The following MLYCD variants were observed in gnomAD, a reference collection of about 807,000 sequenced individuals.
MLYCD encodes the protein malonyl-CoA decarboxylase.
MLYCD carries 27 observed loss-of-function variants against 35.8 expected under a neutral mutation model. The observed-to-expected ratio is 0.75, with a 90% CI of 0.56 to 1.04. MLYCD has a LOEUF of 1.04. Ranked by LOEUF, MLYCD falls within the 50% of genes least tolerant of loss-of-function variation. The pLI, the probability that MLYCD is intolerant of heterozygous loss-of-function variation, is 0.00. For synonymous variants in MLYCD, 403 were observed against 302.4 expected, an observed-to-expected ratio of 1.33 and a Z score of -3.45; for missense variants, 917 against 665.1, an observed-to-expected ratio of 1.38 and a Z score of -4.17.
chr16:83,915,407 C>G lies in MLYCD; in HGVS notation c.1400C>G (p.Ser467Cys), dbSNP rs764495439. Residue 467 changes from serine to cysteine, a missense_variant, in exon 5 of 5, where the codon TCC (serine) becomes TGC (cysteine). By Grantham distance (112) the Ser-to-Cys change is moderately radical. Transcript: ENST00000262430. ...GAGGAGACGGGCCCCAACAGCACCT[C>G]CTACCTCGGCTCCAAGATCATCAAA... is the stretch of plus-strand genomic sequence containing the variant. The part of the protein sequence containing the change: ...FLEETGPNST[S>C]YLGSKIIKAS... 1.2e-5 allele frequency: 20 copies of G among 1,613,888 alleles called. 1 individual carries two copies. Among genetic ancestry groups the G allele is most frequent in the Middle Eastern group, 1.6e-4 (1 of 6,062 alleles).
chr16:83,923,294 C>G lies in MLYCD; in HGVS notation c.*7805C>G, dbSNP rs148389070. On this transcript the variant is annotated 3_prime_UTR_variant, in exon 5 of 5. Coordinates refer to ENST00000262430, the MANE Select transcript of MLYCD (RefSeq NM_012213.3). ...CATGAGGTGTACTAAAGATTTAAAT[C>G]GAGCAAACACCTCTGTGATTTCCAA... 1 of 152,234 alleles carries G rather than the reference C, an allele frequency of 6.6e-6. No homozygotes were observed. The highest frequency in any genetic ancestry group is 2.1e-4 in the South Asian group (1 of 4,832). The allele number at this position is 152,234 out of a possible 1,614,324, so 9.4% of individuals were successfully genotyped here. A position where few individuals can be genotyped will look rare whatever the true frequency, so the allele number is the denominator to read the frequency against.
intron 1 of MLYCD, among the ~76,000 whole-genome samples, chr16:83,905,685 C>G (rs1330069765): frequency 1.3e-5 from 2 of 152,230 alleles, no homozygotes; most frequent in African/African-American, 2.4e-5. Flanking sequence ...TCAAGTTCCC[C>G]AAAGTGGCTG....
In MLYCD at chr16:83,919,039, GCAGTACACAGACA is replaced by G. The variant is rs1907545297; in HGVS notation, c.*3555_*3567del. ...ACACAGTGCACAGGAGAACATACAC[GCAGTACACAGACA>G]CAGTGCACCGGAGAACACAGTGCAC... On this transcript the variant is annotated 3_prime_UTR_variant, in exon 5 of 5. Transcript: ENST00000262430. 1 of 133,476 alleles carries G rather than the reference GCAGTACACAGACA, an allele frequency of 7.5e-6. No homozygotes were observed. The highest frequency in any genetic ancestry group is 2.9e-5 in the African/African-American group (1 of 34,068). The allele number at this position is 133,476 out of a possible 1,614,324, so 8.3% of individuals were successfully genotyped here.
At chr16:83,914,803 T>C in intron 4 of MLYCD, 153 bp from the exon 5 acceptor site, 2 of 1,157,630 alleles carry the variant, frequency 1.7e-6, no homozygotes, top group Non-Finnish European at 1.3e-6. Context: ...GAAAAGCTGC[T>C]TGAAAGAAGA....
intron 3 of MLYCD, among the ~76,000 whole-genome samples, chr16:83,908,689 T>C (rs748976697): frequency 7.2e-5 from 11 of 152,188 alleles, no homozygotes; most frequent in South Asian, 2.1e-4. Flanking sequence ...AAAGAGGCAC[T>C]CCATCCCTTA....
intron 3 of MLYCD, among the ~76,000 whole-genome samples, chr16:83,911,105 T>C (rs549493328): frequency 2.0e-5 from 3 of 152,174 alleles, no homozygotes; most frequent in Non-Finnish European, 4.4e-5. Flanking sequence ...GCCTCCGTAG[T>C]AGCTGGGACT....
At chr16:83,908,679 A>G (rs1014251365) in intron 3 of MLYCD, among the ~76,000 whole-genome samples, 1 of 152,194 alleles carries the variant, frequency 6.6e-6, no homozygotes, top group Non-Finnish European at 1.5e-5. Flanking sequence ...TAGAAAATTG[A>G]AAGAGGCACT....
chr16:83,909,531 G>A (rs1907097410), intron 3 of MLYCD, among the ~76,000 whole-genome samples: 1 of 151,894 alleles, frequency 6.6e-6, no homozygotes, highest in Non-Finnish European at 1.5e-5. Context: ...AATAATATCT[G>A]TTGAGTAGTG....
chr16:83,915,665 GAC>G lies in MLYCD; in HGVS notation c.*178_*179del. 6.7e-7 allele frequency: 1 copy of G among 1,497,090 alleles called. No individual in the cohort carries two copies. The highest frequency in any genetic ancestry group is 8.9e-7 in the Non-Finnish European group (1 of 1,126,474). The allele number at this position is 1,497,090 out of a possible 1,614,324, so 92.7% of individuals were successfully genotyped here. A position where few individuals can be genotyped will look rare whatever the true frequency, so the allele number is the denominator to read the frequency against. On this transcript the variant is annotated 3_prime_UTR_variant, in exon 5 of 5. Transcript: ENST00000262430. ...CCTCAACTTCCCTCACCCTGGGCGT[GAC>G]ATGCACCCAGTGCAAGACGGTTGTG...
Position 83,899,597 on chromosome 16 carries a change from G to C in MLYCD, c.453G>C (p.Val151=). The C allele has an allele frequency of 6.3e-7, 1 of 1,586,934 alleles. No homozygotes were observed. The highest frequency in any genetic ancestry group is 8.5e-7 in the Non-Finnish European group (1 of 1,174,966). ...ACATCAGCAAGCTGGACGGCGGCGT[G>C]CGCTTCCTGGTGCAGCTGCGGGCCG... is the stretch of plus-strand genomic sequence containing the variant. ...FHHISKLDGG[V]RFLVQLRADL... Residue 151 remains valine, a synonymous_variant, in exon 1 of 5, where the codon GTG becomes GTC. Transcript: ENST00000262430.
chr16:83,917,699 G>A lies in MLYCD; in HGVS notation c.*2210G>A, dbSNP rs976433635. 1.3e-5 allele frequency: 2 copies of A among 152,250 alleles called. No homozygotes were observed. The highest frequency in any genetic ancestry group is 2.9e-5 in the Non-Finnish European group (2 of 68,066). The allele number at this position is 152,250 out of a possible 1,614,324, so 9.4% of individuals were successfully genotyped here. Reference sequence around the variant, plus strand: ...GAGTTCTTTACCGTAAGCGTCCCCAGACCCTCAGGCCTGCGGAAACCTGCT... The same window carrying A: ...GAGTTCTTTACCGTAAGCGTCCCCAAACCCTCAGGCCTGCGGAAACCTGCT... On this transcript the variant is annotated 3_prime_UTR_variant, in exon 5 of 5. Transcript: ENST00000262430.
chr16:83,921,870 C>T lies in MLYCD; in HGVS notation c.*6381C>T, dbSNP rs1047132347. The T allele has an allele frequency of 6.6e-6, 1 of 152,310 alleles. No homozygotes were observed. Among genetic ancestry groups the T allele is most frequent in the African/African-American group, 2.4e-5 (1 of 41,436 alleles). 9.4% of individuals were successfully genotyped at this position (152,310 alleles called of 1,614,324 possible). A position where few individuals can be genotyped will look rare whatever the true frequency, so the allele number is the denominator to read the frequency against. The stretch of plus-strand genomic sequence containing the variant: ...AGGTCTGAGGGTGATAGGCTACTCA[C>T]TGGGTCCTAGTGTTCTGAACTACAC... On this transcript the variant is annotated 3_prime_UTR_variant, in exon 5 of 5. Transcript: ENST00000262430.
intron 3 of MLYCD, chr16:83,911,957 C>T (rs954944964): frequency 4.2e-5 from 21 of 499,528 alleles, no homozygotes; most frequent in Non-Finnish European, 6.2e-5. Context: ...ATACATTGCT[C>T]TTCAACAAAG....
chr16:83,904,738 A>C (rs780877393), intron 1 of MLYCD, among the ~76,000 whole-genome samples: 1 of 152,212 alleles, frequency 6.6e-6, no homozygotes, highest in African/African-American at 2.4e-5. Flanking sequence ...TCCGTTTTCA[A>C]ACAGCTCCGT....
chr16:83,908,246 C>T lies in MLYCD; in HGVS notation c.762C>T (p.His254=), dbSNP rs773274796. Residue 254 remains histidine (H), a synonymous_variant, in exon 3 of 5, where the codon CAC becomes CAT. Transcript: ENST00000262430. ...CTGGGGAGCCCCTGGTCGTTTTGCA[C>T]GTGGCACTGACTGGTGACATCTCCA... ...STPGEPLVVL[H]VALTGDISSN... 7.2e-5 allele frequency: 116 copies of T among 1,614,028 alleles called. No homozygotes were observed. The highest frequency in any genetic ancestry group is 9.5e-5 in the Non-Finnish European group (112 of 1,180,034).
At chr16:83,903,277 C>T (rs548343792) in intron 1 of MLYCD, among the ~76,000 whole-genome samples, 2 of 152,284 alleles carry the variant, frequency 1.3e-5, no homozygotes, top group South Asian at 2.1e-4. Flanking sequence ...TAGACACCTG[C>T]GTACCCTCTG....
At chr16:83,904,999 T>G (rs1906926780) in intron 1 of MLYCD, among the ~76,000 whole-genome samples, 1 of 152,218 alleles carries the variant, frequency 6.6e-6, no homozygotes, top group African/African-American at 2.4e-5. Context: ...CCTCATCTCC[T>G]TCCGAAAACT....
chr16:83,914,740 C>G (rs571761331), intron 4 of MLYCD: 9 of 625,326 alleles, frequency 1.4e-5, no homozygotes, highest in Non-Finnish European at 2.5e-5. Context: ...GATGACACCA[C>G]TGCACTCCAG....
At chr16:83,900,014 G>C (rs1043087914) in intron 1 of MLYCD, among the ~76,000 whole-genome samples, 1 of 152,208 alleles carries the variant, frequency 6.6e-6, no homozygotes, top group Admixed American at 6.5e-5. Flanking sequence ...GCTGAGAAGT[G>C]TTTCATCTAT....
Sources: allele counts gnomAD v4.1 joint callset (sites outside exome capture counted in the v4.1 genomes callset), GRCh38; gene constraint gnomAD v4.1.1; transcripts MANE v1.5; gene names NCBI Gene and HGNC (gene_info 2026-07-23, HGNC 2026-07-21).